Variants in CHSY3 observed in about 807,000 individuals in gnomAD.
CHSY3 encodes the protein N-acetylgalactosaminyl-proteoglycan 3-beta-glucuronosyltransferase 3.
Under a neutral mutation model 67.2 loss-of-function variants are expected in CHSY3, and 35 were observed. That is an observed-to-expected ratio of 0.52 (90% CI 0.40 to 0.69). CHSY3 has a LOEUF of 0.69. Among genes scored for constraint, CHSY3 ranks in the 30% least tolerant of loss-of-function variants. The pLI is 0.00. For synonymous variants in CHSY3, 474 were observed against 434.7 expected (o/e 1.09, Z -1.12); for missense variants, 1,069 against 1,138.5 (o/e 0.94, Z 0.88).
chr5:129,919,844 T>C (rs1262481326), intron 2 of CHSY3, among the ~76,000 whole-genome samples: 3 of 152,196 alleles, frequency 2.0e-5, no homozygotes, highest in Non-Finnish European at 4.4e-5. Context: ...TAGTTGTATA[T>C]GTATGTATAA....
chr5:130,186,084 G>A lies in CHSY3; in HGVS notation c.*293G>A, dbSNP rs10070570. 4.2e-3 allele frequency: 705 copies of A among 169,516 alleles called. 6 individuals carry two copies. The highest frequency in any genetic ancestry group is 0.016 in the African/African-American group (668 of 42,152). 10.5% of individuals were successfully genotyped at this position (169,516 alleles called of 1,614,324 possible). A position where few individuals can be genotyped will look rare whatever the true frequency, so the allele number is the denominator to read the frequency against. On this transcript the variant is annotated 3_prime_UTR_variant, in exon 3 of 3. Coordinates refer to ENST00000305031, the MANE Select transcript of CHSY3 (RefSeq NM_175856.5). ...ATAGCAATCAAATGACTTTTGAAACGCATTCATCACAAGAGACAGCTTAGA... is the reference window on the plus strand; with the variant it reads ...ATAGCAATCAAATGACTTTTGAAACACATTCATCACAAGAGACAGCTTAGA...
At chr5:130,111,888 G>A (rs576014961) in intron 2 of CHSY3, among the ~76,000 whole-genome samples, 3 of 151,872 alleles carry the variant, frequency 2.0e-5, no homozygotes, top group East Asian at 1.9e-4. Context: ...CACACATACC[G>A]GACTTACTAG....
At chr5:130,173,056 G>C (rs949646515) in intron 2 of CHSY3, among the ~76,000 whole-genome samples, 1 of 152,082 alleles carries the variant, frequency 6.6e-6, no homozygotes, top group East Asian at 1.9e-4. Context: ...GGAGAAATTT[G>C]ATGGGACTGA....
chr5:130,057,574 G>A (rs1037164132), intron 2 of CHSY3, among the ~76,000 whole-genome samples: 2 of 152,054 alleles, frequency 1.3e-5, no homozygotes, highest in Non-Finnish European at 2.9e-5. Flanking sequence ...TTATCTTACT[G>A]TTTGTAGCAT....
intron 2 of CHSY3, among the ~76,000 whole-genome samples, chr5:130,145,278 G>C (rs4836495): frequency 0.57 from 87,030 of 151,988 alleles, 25,692 homozygotes; most frequent in African/African-American, 0.7. Flanking sequence ...TAATAAAGAG[G>C]CCAAACATAG....
At chr5:130,034,451 T>C (rs1052579741) in intron 2 of CHSY3, among the ~76,000 whole-genome samples, 1 of 152,184 alleles carries the variant, frequency 6.6e-6, no homozygotes, top group Admixed American at 6.6e-5. Flanking sequence ...AGCAACATTT[T>C]ATTATGAGCA....
intron 2 of CHSY3, among the ~76,000 whole-genome samples, chr5:130,011,084 C>A (rs1764045120): frequency 6.6e-6 from 1 of 152,130 alleles, no homozygotes; most frequent in Non-Finnish European, 1.5e-5. Flanking sequence ...GAAACTATTC[C>A]ATTGACTTGA....
Position 130,015,529 on chromosome 5 carries a change from G to A in CHSY3, c.1086+107169G>A, listed in dbSNP as rs191092531. On this transcript the variant is annotated intron_variant, in intron 2 of 2. Transcript: ENST00000305031. Reference sequence around the variant, plus strand: ...CATTAGGGAAATGCAAATCAAAACCGCATTGAATTTTGCTCTGACATGAGT... The same window carrying A: ...CATTAGGGAAATGCAAATCAAAACCACATTGAATTTTGCTCTGACATGAGT... Among the ~76,000 whole-genome samples, 25 of 152,186 alleles carry A rather than the reference G, an allele frequency of 1.6e-4. No homozygotes were observed. In the East Asian group the frequency reaches 3.7e-3, roughly 22 times the overall value.
intron 2 of CHSY3, among the ~76,000 whole-genome samples, chr5:129,943,654 G>C (rs1561466053): frequency 6.6e-6 from 1 of 151,810 alleles, no homozygotes; most frequent in Non-Finnish European, 1.5e-5. Flanking sequence ...TTTCATGAAG[G>C]GTAGATTAGG....
intron 2 of CHSY3, among the ~76,000 whole-genome samples, chr5:129,986,181 T>C (rs1225793543): frequency 6.6e-6 from 1 of 152,196 alleles, no homozygotes; most frequent in Non-Finnish European, 1.5e-5. Flanking sequence ...ATCACTCTTA[T>C]CATTTTGAGG....
In CHSY3 at chr5:130,184,769, C is replaced by A. The variant is rs1770362669; in HGVS notation, c.1627C>A (p.Leu543Ile). 2 of 1,602,906 alleles carry A rather than the reference C, an allele frequency of 1.2e-6. No individual in the cohort carries two copies. Among genetic ancestry groups the A allele is most frequent in the Non-Finnish European group, 1.7e-6 (2 of 1,169,858 alleles). Reference sequence around the variant, plus strand: ...GGTGGAGTACATTTTGGATTTACTCCTTTTATACAAAAGACACAAGGGAAG... The same window carrying A: ...GGTGGAGTACATTTTGGATTTACTCATTTTATACAAAAGACACAAGGGAAG... ...HGVEYILDLL[L>I]LYKRHKGRKL... The change falls in exon 3 of 3, where the codon CTT becomes ATT. Residue 543 changes from leucine (L) to isoleucine (I), a missense_variant. Coordinates refer to ENST00000305031, the MANE Select transcript of CHSY3 (RefSeq NM_175856.5).
rs181164773 is a variant in CHSY3 at position 130,105,577 on chromosome 5, G to A, written c.1087-78652G>A. On this transcript the variant is annotated intron_variant, in intron 2 of 2. Transcript: ENST00000305031. ...CCCTGTTTCATTCTGGAAATAGTTTGGAGTTATGCTGTCATATTATGCACA... is the reference window on the plus strand; with the variant it reads ...CCCTGTTTCATTCTGGAAATAGTTTAGAGTTATGCTGTCATATTATGCACA... Among the ~76,000 whole-genome samples, 6 of 151,760 alleles carry A rather than the reference G, an allele frequency of 4.0e-5. No homozygotes were observed. The East Asian group carries it at 9.7e-4, about 24-fold the overall frequency.
intron 2 of CHSY3, among the ~76,000 whole-genome samples, chr5:130,108,413 A>G (rs1767480948): frequency 6.6e-6 from 1 of 151,588 alleles, no homozygotes; most frequent in Non-Finnish European, 1.5e-5. Context: ...TGTGCAAAGT[A>G]CTTAATACAA....
intron 2 of CHSY3, among the ~76,000 whole-genome samples, chr5:129,970,605 A>G (rs1261167185): frequency 1.3e-5 from 2 of 151,904 alleles, no homozygotes; most frequent in East Asian, 3.9e-4. Context: ...AATCAGGCTA[A>G]AGAATTTTGT....
At chr5:130,063,965 A>G (rs1765797803) in intron 2 of CHSY3, among the ~76,000 whole-genome samples, 1 of 152,102 alleles carries the variant, frequency 6.6e-6, no homozygotes, top group East Asian at 1.9e-4. Flanking sequence ...TAGCATGATA[A>G]TTAGTGAAGA....
chr5:130,125,521 C>T (rs1270024178), intron 2 of CHSY3, among the ~76,000 whole-genome samples: 1 of 152,058 alleles, frequency 6.6e-6, no homozygotes, highest in Non-Finnish European at 1.5e-5. Flanking sequence ...CAACTCATCA[C>T]TGGAGAACAA....
chr5:130,128,972 A>G (rs1217028338), intron 2 of CHSY3, among the ~76,000 whole-genome samples: 2 of 151,914 alleles, frequency 1.3e-5, no homozygotes, highest in African/African-American at 4.8e-5. Flanking sequence ...TGCATAGAGA[A>G]TGCTCAATGT....
intron 2 of CHSY3, among the ~76,000 whole-genome samples, chr5:130,149,809 T>C (rs1423060016): frequency 6.6e-6 from 1 of 152,206 alleles, no homozygotes; most frequent in Admixed American, 6.5e-5. Flanking sequence ...AAAACACCAG[T>C]ATCTGTATAC....
chr5:130,099,928 T>C (rs887260767), intron 2 of CHSY3, among the ~76,000 whole-genome samples: 9 of 152,144 alleles, frequency 5.9e-5, no homozygotes, highest in Non-Finnish European at 1.3e-4. Flanking sequence ...CCTAATGTAA[T>C]GAATGTGTCT....
Sources: gnomAD v4.1 joint callset for allele counts (sites outside exome capture counted in the v4.1 genomes callset) on GRCh38, gnomAD v4.1.1 for gene constraint, MANE v1.5 for transcripts, NCBI Gene and HGNC (gene_info 2026-07-23, HGNC 2026-07-21) for gene names.